The following CCSER1 variants were observed in gnomAD, a reference collection of about 807,000 sequenced individuals.
CCSER1 encodes serine-rich coiled-coil domain-containing protein 1.
Under a neutral mutation model 82.0 loss-of-function variants are expected in CCSER1, and 41 were observed. The ratio of observed to expected loss-of-function variants is 0.50; its 90% CI spans 0.39 to 0.65. CCSER1 has a LOEUF of 0.65. Among genes scored for constraint, CCSER1 ranks in the 30% least tolerant of loss-of-function variants. The pLI, the probability that CCSER1 is intolerant of heterozygous loss-of-function variation, is 0.00. For missense variants in CCSER1, 1,119 were observed against 1,064.2 expected, an observed-to-expected ratio of 1.05 and a Z score of -0.72; for synonymous variants, 414 against 383.9, an observed-to-expected ratio of 1.08 and a Z score of -0.92.
chr4:90,552,305 G>T (rs569151508), intron 5 of CCSER1, among the ~76,000 whole-genome samples: 10 of 152,080 alleles, frequency 6.6e-5, no homozygotes, highest in South Asian at 2.1e-4. Context: ...CTTTTTTATG[G>T]TTAAACTAAT....
chr4:90,536,329 C>T (rs1423962821), intron 5 of CCSER1, among the ~76,000 whole-genome samples: 5 of 152,164 alleles, frequency 3.3e-5, no homozygotes, highest in Non-Finnish European at 7.4e-5. Flanking sequence ...CCACCGTGGC[C>T]AGCCTAATAT....
intron 10 of CCSER1, among the ~76,000 whole-genome samples, chr4:91,160,264 A>G (rs779448279): frequency 2.0e-5 from 3 of 152,172 alleles, no homozygotes; most frequent in Non-Finnish European, 4.4e-5. Context: ...CATGATGTAT[A>G]TGTGCCACAT....
chr4:90,596,359 T>G (rs1052968589), intron 5 of CCSER1, among the ~76,000 whole-genome samples: 1 of 151,918 alleles, frequency 6.6e-6, no homozygotes, highest in Non-Finnish European at 1.5e-5. Flanking sequence ...TCATATCTGA[T>G]TTTCATTATG....
intron 10 of CCSER1, among the ~76,000 whole-genome samples, chr4:91,465,763 C>A (rs543477867): frequency 6.6e-6 from 1 of 151,988 alleles, no homozygotes; most frequent in Admixed American, 6.6e-5. Flanking sequence ...AAGAAATGGA[C>A]AAATTCCTGG....
At position 91,512,013 on chromosome 4, in the gene CCSER1, G is replaced by T. The variant is rs80346170; in HGVS notation, c.2218-86559G>T. On this transcript the variant is annotated intron_variant, in intron 10 of 10. Coordinates refer to ENST00000509176, the MANE Select transcript of CCSER1 (RefSeq NM_001145065.2). The stretch of plus-strand genomic sequence containing the variant: ...TAATTACTTTTGGCAGTATTTTGTA[G>T]TTATCCTTGTAGAGATCTGTGATGG... Among the ~76,000 whole-genome samples, 57 of 152,214 alleles carry T rather than the reference G, an allele frequency of 3.7e-4. No individual in the cohort carries two copies. In the East Asian group the frequency reaches 9.5e-3, roughly 25 times the overall value.
chr4:90,728,495 A>G (rs1448038838), intron 7 of CCSER1, among the ~76,000 whole-genome samples: 1 of 152,210 alleles, frequency 6.6e-6, no homozygotes, highest in Non-Finnish European at 1.5e-5. Context: ...ACTTTGCTTA[A>G]GCAGGGGATA....
intron 10 of CCSER1, among the ~76,000 whole-genome samples, chr4:91,437,844 G>C (rs1754774300): frequency 6.6e-6 from 1 of 152,224 alleles, no homozygotes; most frequent in Admixed American, 6.5e-5. Context: ...CACCTGGTTT[G>C]GAGGGTCCTA....
intron 10 of CCSER1, among the ~76,000 whole-genome samples, chr4:91,312,136 A>G (rs924735376): frequency 6.6e-6 from 1 of 151,906 alleles, no homozygotes; most frequent in African/African-American, 2.4e-5. Flanking sequence ...ATTGTAGTGC[A>G]TATTCTAGTT....
intron 8 of CCSER1, among the ~76,000 whole-genome samples, chr4:90,884,265 A>G (rs1472337933): frequency 1.3e-5 from 2 of 152,186 alleles, no homozygotes; most frequent in Non-Finnish European, 2.9e-5. Context: ...TACATTCTAC[A>G]AAAGTATTTA....
chr4:91,512,677 T>C (rs1030988310), intron 10 of CCSER1, among the ~76,000 whole-genome samples: 1 of 152,228 alleles, frequency 6.6e-6, no homozygotes, highest in Non-Finnish European at 1.5e-5. Flanking sequence ...ACAAGATCTT[T>C]CACCTCCTTG....
intron 1 of CCSER1, among the ~76,000 whole-genome samples, chr4:90,284,104 G>A (rs1032748047): frequency 5.3e-5 from 8 of 151,898 alleles, no homozygotes; most frequent in African/African-American, 1.7e-4. Context: ...ATACCAGTAG[G>A]CCATTTTAAT....
intron 9 of CCSER1, among the ~76,000 whole-genome samples, chr4:91,057,371 C>T (rs550477415): frequency 1.3e-5 from 2 of 152,244 alleles, no homozygotes; most frequent in South Asian, 2.1e-4. Flanking sequence ...TCTGGGTGGG[C>T]TGAAAGATTC....
intron 4 of CCSER1, among the ~76,000 whole-genome samples, chr4:90,411,705 C>G (rs967322040): frequency 9.2e-5 from 14 of 152,156 alleles, no homozygotes; most frequent in African/African-American, 2.9e-4. Context: ...CCTTTGAAAA[C>G]TGGCACAAGA....
At chr4:90,744,255 T>C (rs1396968419) in intron 7 of CCSER1, among the ~76,000 whole-genome samples, 1 of 152,082 alleles carries the variant, frequency 6.6e-6, no homozygotes, top group Non-Finnish European at 1.5e-5. Flanking sequence ...ACTATACGTA[T>C]TCGGTTATGT....
chr4:90,598,070 T>C (rs565677738), intron 5 of CCSER1, among the ~76,000 whole-genome samples: 18 of 152,104 alleles, frequency 1.2e-4, no homozygotes, highest in Non-Finnish European at 2.1e-4. Context: ...TTTCCATATC[T>C]TGACAATTGT....
At position 90,409,154 on chromosome 4, in the gene CCSER1, T is replaced by C. The variant is rs922193705; in HGVS notation, c.1603+9025T>C. Among the ~76,000 whole-genome samples, 171 of 152,292 alleles carry C rather than the reference T, an allele frequency of 1.1e-3. 2 individuals are homozygous for C. Among genetic ancestry groups the C allele is most frequent in the South Asian group, 1.2e-3 (6 of 4,822 alleles). ...GTGAAAAGACCAAATCTACATCTAA[T>C]TGGTGTACCTGAAAGTGACAGGGAG... On this transcript the variant is annotated intron_variant, in intron 4 of 10. Coordinates refer to ENST00000509176, the MANE Select transcript of CCSER1 (RefSeq NM_001145065.2).
chr4:91,186,119 C>A (rs1311995897), intron 10 of CCSER1, among the ~76,000 whole-genome samples: 1 of 152,174 alleles, frequency 6.6e-6, no homozygotes, highest in Non-Finnish European at 1.5e-5. Flanking sequence ...CTTGAACAGT[C>A]ACTGGGGCAA....
At chr4:90,308,151 A>T in intron 1 of CCSER1, 93 bp from the exon 2 acceptor site, 1 of 962,574 alleles carries the variant, frequency 1.0e-6, no homozygotes, top group Non-Finnish European at 1.5e-6. Flanking sequence ...ACTAAATTCT[A>T]TTTTGTGTCT....
At chr4:90,703,322 A>T (rs1446296851) in intron 6 of CCSER1, among the ~76,000 whole-genome samples, 1 of 152,184 alleles carries the variant, frequency 6.6e-6, no homozygotes, top group Non-Finnish European at 1.5e-5. Context: ...GTTTTATTGC[A>T]CTGTGTTCTG....
Sources: allele counts gnomAD v4.1 joint callset (sites outside exome capture counted in the v4.1 genomes callset), GRCh38; gene constraint gnomAD v4.1.1; transcripts MANE v1.5; gene names NCBI Gene and HGNC (gene_info 2026-07-23, HGNC 2026-07-21).